The following CEMIP variants were observed in gnomAD, a reference collection of about 807,000 sequenced individuals.
CEMIP encodes the protein cell migration inducing hyaluronidase 1.
A neutral mutation model predicts 156.9 loss-of-function variants in CEMIP; 105 were observed. That is an observed-to-expected ratio of 0.67 (90% CI 0.57 to 0.79). The LOEUF (loss-of-function observed/expected upper bound fraction) is 0.79, where lower values mean the gene tolerates loss of function less well. CEMIP is among the 30% of genes least tolerant of loss of function. CEMIP has a pLI of 0.00. For synonymous variants in CEMIP, 676 were observed against 668.4 expected (o/e 1.01, Z -0.17); for missense variants, 1,457 against 1,769.4 (o/e 0.82, Z 3.17).
intron 19 of CEMIP, among the ~76,000 whole-genome samples, chr15:80,928,634 G>T (rs1900785559): frequency 6.6e-6 from 1 of 152,172 alleles, no homozygotes; most frequent in Admixed American, 6.5e-5. Context: ...ACCCCAGTCT[G>T]CATGCTGTCA....
chr15:80,815,918 C>A (rs143016949), intron 1 of CEMIP, among the ~76,000 whole-genome samples: 121 of 152,252 alleles, frequency 7.9e-4, no homozygotes, highest in African/African-American at 2.6e-3. Context: ...AGCATAGAAA[C>A]TTTCCTTGGC....
At chr15:80,851,851 G>C (rs1252215239) in intron 1 of CEMIP, among the ~76,000 whole-genome samples, 1 of 152,122 alleles carries the variant, frequency 6.6e-6, no homozygotes, top group Non-Finnish European at 1.5e-5. Context: ...GTTTTGGAAG[G>C]GTGTAAAATA....
intron 1 of CEMIP, among the ~76,000 whole-genome samples, chr15:80,853,044 C>T (rs1439690774): frequency 6.6e-6 from 1 of 152,152 alleles, no homozygotes; most frequent in East Asian, 1.9e-4. Context: ...CTTACAAAGT[C>T]CTGGCCACCA....
intron 19 of CEMIP, among the ~76,000 whole-genome samples, chr15:80,926,813 AGCG>A (rs1567105162): frequency 2.3e-4 from 5 of 21,508 alleles, no homozygotes; most frequent in Admixed American, 7.3e-4. Context: ...AGAGAGACTG[AGCG>A]GGTGGGGGGG....
chr15:80,872,268 T>C (rs987289313), intron 1 of CEMIP, among the ~76,000 whole-genome samples: 2 of 152,186 alleles, frequency 1.3e-5, no homozygotes, highest in African/African-American at 2.4e-5. Context: ...ACTACAGTCA[T>C]ATTCAGAGGA....
At chr15:80,889,629 T>C in intron 10 of CEMIP, 37 bp downstream of exon 10, 1 of 1,611,750 alleles carries the variant, frequency 6.2e-7, no homozygotes. Flanking sequence ...AATAGAAATG[T>C]GTTGTTTTGA....
chr15:80,914,436 C>G (rs1176331678), intron 14 of CEMIP, among the ~76,000 whole-genome samples: 1 of 152,192 alleles, frequency 6.6e-6, no homozygotes, highest in African/African-American at 2.4e-5. Context: ...ATGTCCCCAA[C>G]AGGCTGCCAC....
Position 80,929,016 on chromosome 15 carries a change from C to T in CEMIP, c.2457-3C>T. On this transcript the variant is annotated splice_region_variant and splice_polypyrimidine_tract_variant and intron_variant, in intron 20 of 29. Coordinates refer to ENST00000394685, the MANE Select transcript of CEMIP (RefSeq NM_001293298.2). ...TCTCACCTTAAACATCTTCTCTCTA[C>T]AGTGGTGGAACCTTCCCGTATGACG... is the stretch of plus-strand genomic sequence containing the variant. 6.2e-7 allele frequency: 1 copy of T among 1,614,208 alleles called. No individual in the cohort carries two copies. The highest frequency in any genetic ancestry group is 8.5e-7 in the Non-Finnish European group (1 of 1,180,042).
At chr15:80,934,076 C>G (rs1328546034) in intron 23 of CEMIP, among the ~76,000 whole-genome samples, 1 of 152,106 alleles carries the variant, frequency 6.6e-6, no homozygotes, top group Non-Finnish European at 1.5e-5. Flanking sequence ...ATAGCCCACT[C>G]AATTTTCAAC....
At chr15:80,845,024 T>C (rs1320911881) in intron 1 of CEMIP, among the ~76,000 whole-genome samples, 3 of 152,230 alleles carry the variant, frequency 2.0e-5, no homozygotes, top group Non-Finnish European at 4.4e-5. Context: ...TTTATGGATA[T>C]ATATGGATAA....
rs545240536 is a variant in CEMIP, at chr15:80,900,876, C to G, written c.1411+4816C>G. On this transcript the variant is annotated intron_variant, in intron 12 of 29. Transcript: ENST00000394685. ...AGGCTTCTCTTCCCCAGGCTGGCTG[C>G]AGACACGGACACGATCTCCCTGGGT... 9 of 452,066 alleles carry G rather than the reference C, an allele frequency of 2.0e-5. No homozygotes were observed. In the East Asian group the frequency reaches 6.3e-4, roughly 32 times the overall value. The allele number at this position is 452,066 out of a possible 1,614,324, so 28.0% of individuals were successfully genotyped here.
intron 1 of CEMIP, among the ~76,000 whole-genome samples, chr15:80,850,311 C>CT (rs1596133228): frequency 1.3e-5 from 2 of 152,192 alleles, no homozygotes; most frequent in African/African-American, 4.8e-5. Context: ...GAGTCCCACT[C>CT]TGTCGCCTAG....
chr15:80,825,587 A>G (rs776316080), intron 1 of CEMIP, among the ~76,000 whole-genome samples: 2 of 152,246 alleles, frequency 1.3e-5, no homozygotes, highest in African/African-American at 2.4e-5. Flanking sequence ...AAGCCACAGC[A>G]TGCATGGCCA....
At chr15:80,828,542 G>T (rs371598420) in intron 1 of CEMIP, among the ~76,000 whole-genome samples, 13 of 152,060 alleles carry the variant, frequency 8.5e-5, no homozygotes, top group South Asian at 2.1e-4. Context: ...ATACTAGAAG[G>T]GTTGTTCATT....
chr15:80,848,900 G>GCACACACACACACACACACA (rs3221932), intron 1 of CEMIP, among the ~76,000 whole-genome samples: 4,709 of 134,576 alleles, frequency 0.035, 157 homozygotes, highest in African/African-American at 0.063. Flanking sequence ...GTGTGCGCGT[G>GCACACACACACACACACACA]CACACACACA....
chr15:80,879,935 AGAGG>A, intron 5 of CEMIP, 81 bp downstream of exon 5: 6 of 1,527,730 alleles, frequency 3.9e-6, no homozygotes, highest in Non-Finnish European at 5.4e-6. Context: ...GAGAGAGGCA[AGAGG>A]GCAAGCTTGC....
intron 1 of CEMIP, among the ~76,000 whole-genome samples, chr15:80,855,514 T>C (rs1897830453): frequency 6.6e-6 from 1 of 151,832 alleles, no homozygotes; most frequent in Non-Finnish European, 1.5e-5. Context: ...TTTCTTTTTC[T>C]TTTTTTTCTT....
rs1567090991 is a variant in CEMIP at position 80,900,648 on chromosome 15, G to GTGTGTGTAT, written c.1411+4589_1411+4590insGTGTGTATT. ...TGTGTGTGTGTGTGTGTGTGTGTGT[G>GTGTGTGTAT]TCTGTGTGTGTGTCTGTGTGTGTGT... On this transcript the variant is annotated intron_variant, in intron 12 of 29. Coordinates refer to ENST00000394685, the MANE Select transcript of CEMIP (RefSeq NM_001293298.2). Among the ~76,000 whole-genome samples the GTGTGTGTAT allele has an allele frequency of 4.6e-4, 51 of 111,918 alleles. 1 individual carries two copies. Among genetic ancestry groups the GTGTGTGTAT allele is most frequent in the African/African-American group, 1.6e-3 (48 of 30,222 alleles). The allele number at this position is 111,918 out of a possible 152,430, so 73.4% of individuals were successfully genotyped here.
At chr15:80,900,912 C>T (rs1220037770) in intron 12 of CEMIP, 1 of 455,578 alleles carries the variant, frequency 2.2e-6, no homozygotes, top group East Asian at 7.0e-5. Context: ...CCTTCTTCCT[C>T]ATTGCTCCCA....
Sources: gnomAD v4.1 joint callset for allele counts (sites outside exome capture counted in the v4.1 genomes callset) on GRCh38, gnomAD v4.1.1 for gene constraint, MANE v1.5 for transcripts, NCBI Gene and HGNC (gene_info 2026-07-23, HGNC 2026-07-21) for gene names.